The following CUL3 variants were observed in gnomAD, a reference collection of about 807,000 sequenced individuals.
The protein encoded by CUL3 is cullin-3.
A neutral mutation model predicts 89.1 loss-of-function variants in CUL3; 19 were observed. The observed-to-expected ratio is 0.21, with a 90% CI of 0.15 to 0.31. CUL3 has a LOEUF of 0.31. Among genes scored for constraint, CUL3 ranks in the 10% least tolerant of loss-of-function variants. The pLI is 1.00. For synonymous variants in CUL3, 351 were observed against 308.4 expected (o/e 1.14, Z -1.45); for missense variants, 469 against 942.3 (o/e 0.50, Z 6.58).
chr2:224,568,596 AGT>A (rs1249595782), intron 1 of CUL3, among the ~76,000 whole-genome samples: 2 of 152,250 alleles, frequency 1.3e-5, no homozygotes, highest in African/African-American at 2.4e-5. Context: ...TTCTAACAGA[AGT>A]AGTGTACAAG....
chr2:224,567,675 G>A (rs1300500731), intron 1 of CUL3, among the ~76,000 whole-genome samples: 1 of 151,986 alleles, frequency 6.6e-6, no homozygotes, highest in Admixed American at 6.6e-5. Context: ...AGGAGGCAGA[G>A]GTTGCAGTAA....
intron 13 of CUL3, among the ~76,000 whole-genome samples, chr2:224,489,501 A>G (rs1028484638): frequency 6.6e-6 from 1 of 152,234 alleles, no homozygotes; most frequent in Non-Finnish European, 1.5e-5. Flanking sequence ...TCCCGTTCAC[A>G]ATTACTACAA....
At chr2:224,482,617 C>T (rs1691576516) in intron 13 of CUL3, among the ~76,000 whole-genome samples, 1 of 151,472 alleles carries the variant, frequency 6.6e-6, no homozygotes. Context: ...TTACATTAAA[C>T]ATAAATATCA....
chr2:224,501,225 T>C (rs1483959321), intron 10 of CUL3, among the ~76,000 whole-genome samples: 2 of 152,324 alleles, frequency 1.3e-5, no homozygotes, highest in South Asian at 2.1e-4. Context: ...CCAGCACCTA[T>C]TTCAACTACA....
intron 3 of CUL3, among the ~76,000 whole-genome samples, chr2:224,532,190 G>C (rs1693720409): frequency 6.6e-6 from 1 of 152,124 alleles, no homozygotes; most frequent in Non-Finnish European, 1.5e-5. Flanking sequence ...TGAAGCTAGA[G>C]ACACAATTTG....
In CUL3 at chr2:224,528,012, TC is replaced by T. The variant is rs367580534; in HGVS notation, c.378+7515del. ...AATTTGTGCCAACTCACCTAAATTA[TC>T]CCCTCACAACTATAGATAATCCATT... is the stretch of plus-strand genomic sequence containing the variant. On this transcript the variant is annotated intron_variant, in intron 3 of 15. Coordinates refer to ENST00000264414, the MANE Select transcript of CUL3 (RefSeq NM_003590.5). 3.0e-4 allele frequency among the ~76,000 whole-genome samples: 45 copies of T among 152,306 alleles called. No individual in the cohort carries two copies. The East Asian group carries it at 6.5e-3, about 22-fold the overall frequency.
chr2:224,524,593 A>C (rs568446588), intron 3 of CUL3, among the ~76,000 whole-genome samples: 3 of 152,292 alleles, frequency 2.0e-5, no homozygotes, highest in Admixed American at 1.3e-4. Context: ...CCTGGAAATA[A>C]AGGCAAACTG....
intron 3 of CUL3, among the ~76,000 whole-genome samples, chr2:224,534,686 A>C (rs1295913683): frequency 6.6e-6 from 1 of 152,166 alleles, no homozygotes. Flanking sequence ...GTGAACAATT[A>C]AGATTTTTAT....
chr2:224,498,497 T>C (rs1372392444), intron 11 of CUL3, among the ~76,000 whole-genome samples: 1 of 152,182 alleles, frequency 6.6e-6, no homozygotes, highest in African/African-American at 2.4e-5. Context: ...CATTTTGCCT[T>C]TCTACAGTTT....
intron 2 of CUL3, among the ~76,000 whole-genome samples, chr2:224,540,712 A>G (rs1230812354): frequency 6.6e-6 from 1 of 152,188 alleles, no homozygotes; most frequent in Non-Finnish European, 1.5e-5. Context: ...AAACCCACAC[A>G]GGATCCACGT....
At chr2:224,506,760 T>G (rs1692617463) in intron 7 of CUL3, 98 bp downstream of exon 7, 4 of 1,008,286 alleles carry the variant, frequency 4.0e-6, no homozygotes, top group Non-Finnish European at 5.7e-6. Context: ...GACAATTAAG[T>G]TGAAAGTACA....
At chr2:224,530,288 T>A (rs1191923632) in intron 3 of CUL3, among the ~76,000 whole-genome samples, 1 of 152,034 alleles carries the variant, frequency 6.6e-6, no homozygotes, top group Non-Finnish European at 1.5e-5. Flanking sequence ...GTCAGCTAGC[T>A]GATTAGGTAG....
At chr2:224,566,975 T>TA (rs1450692088) in intron 1 of CUL3, among the ~76,000 whole-genome samples, 1 of 152,150 alleles carries the variant, frequency 6.6e-6, no homozygotes, top group Non-Finnish European at 1.5e-5. Context: ...CTGCAGAACT[T>TA]AATCTAGTAC....
intron 1 of CUL3, among the ~76,000 whole-genome samples, chr2:224,577,836 A>G (rs905198758): frequency 6.6e-6 from 1 of 152,206 alleles, no homozygotes; most frequent in Admixed American, 6.5e-5. Flanking sequence ...TGGGTAAGAT[A>G]CTGCTACACA....
intron 1 of CUL3, among the ~76,000 whole-genome samples, chr2:224,581,741 C>A (rs1695442762): frequency 6.6e-6 from 1 of 151,872 alleles, no homozygotes; most frequent in Non-Finnish European, 1.5e-5. Flanking sequence ...ACCTCAGGAC[C>A]TCAGGTGATC....
chr2:224,540,424 GGAAGAAGGAA>G (rs1237148700), intron 2 of CUL3, among the ~76,000 whole-genome samples: 4 of 151,842 alleles, frequency 2.6e-5, no homozygotes, highest in African/African-American at 7.2e-5. Flanking sequence ...AGGGAGGGAG[GGAAGAAGGAA>G]GAGGAAGGAG....
At chr2:224,553,357 AAAG>A (rs1694586220) in intron 2 of CUL3, among the ~76,000 whole-genome samples, 1 of 152,234 alleles carries the variant, frequency 6.6e-6, no homozygotes, top group African/African-American at 2.4e-5. Context: ...GCGTGAAAGA[AAAG>A]AATAAATAAA....
In CUL3 at chr2:224,574,655, C is replaced by G. The variant is rs555565300; in HGVS notation, c.66+10289G>C. Among the ~76,000 whole-genome samples the G allele has an allele frequency of 3.3e-5, 5 of 152,222 alleles. No homozygotes were observed. In the South Asian group the frequency reaches 8.3e-4, roughly 25 times the overall value. On this transcript the variant is annotated intron_variant, in intron 1 of 15. Coordinates refer to ENST00000264414, the MANE Select transcript of CUL3 (RefSeq NM_003590.5). Reference sequence around the variant, plus strand: ...AGACACCCTCCAGGCTCCCTGTAAACGTTTGAAAATAACTGCCCTACATGA... The same window carrying G: ...AGACACCCTCCAGGCTCCCTGTAAAGGTTTGAAAATAACTGCCCTACATGA...
chr2:224,501,180 A>G (rs769075779), intron 10 of CUL3, among the ~76,000 whole-genome samples: 7 of 152,318 alleles, frequency 4.6e-5, no homozygotes, highest in Non-Finnish European at 5.9e-5. Flanking sequence ...CAGTTTTAAA[A>G]TATTTTTACT....
Sources: gnomAD v4.1 joint callset for allele counts (sites outside exome capture counted in the v4.1 genomes callset) on GRCh38, gnomAD v4.1.1 for gene constraint, MANE v1.5 for transcripts, NCBI Gene and HGNC (gene_info 2026-07-23, HGNC 2026-07-21) for gene names.